Variants in LZTFL1 observed in about 807,000 individuals in gnomAD.
LZTFL1 encodes leucine zipper transcription factor-like protein 1.
LZTFL1 carries 25 observed loss-of-function variants against 45.9 expected under a neutral mutation model. The ratio of observed to expected loss-of-function variants is 0.54; its 90% confidence interval spans 0.40 to 0.76. LZTFL1 has a LOEUF of 0.76. Ranked by LOEUF, LZTFL1 falls within the 30% of genes least tolerant of loss-of-function variation. LZTFL1 has a pLI of 0.00. For synonymous variants in LZTFL1, 93 were observed against 117.4 expected, an observed-to-expected ratio of 0.79 and a Z score of 1.35; for missense variants, 277 against 331.1, an observed-to-expected ratio of 0.84 and a Z score of 1.27.
chr3:45,889,098 G>A (rs1702067908), intron 2 of LZTFL1, among the ~76,000 whole-genome samples: 1 of 152,206 alleles, frequency 6.6e-6, no homozygotes, highest in Admixed American at 6.5e-5. Context: ...CGATTGTCCT[G>A]CGTCAGCCAG....
chr3:45,894,298 A>G (rs1247549273), intron 2 of LZTFL1, among the ~76,000 whole-genome samples: 1 of 152,158 alleles, frequency 6.6e-6, no homozygotes, highest in Non-Finnish European at 1.5e-5. Context: ...TAAAGAGGAG[A>G]AAGGTGGGTT....
intron 7 of LZTFL1, among the ~76,000 whole-genome samples, chr3:45,829,608 GAAA>G (rs1206418827): frequency 3.4e-5 from 2 of 58,932 alleles, no homozygotes; most frequent in Admixed American, 2.4e-4. Flanking sequence ...TGTCTCAAAA[GAAA>G]AAAAAAAAAA....
At chr3:45,844,159 G>A (rs1412069208), upstream of LZTFL1, among the ~76,000 whole-genome samples, 6 of 152,132 alleles carry the variant, frequency 3.9e-5, no homozygotes, top group Non-Finnish European at 8.8e-5. Context: ...CCAGTTTCAG[G>A]GTGTTTGCAA....
Position 45,901,328 on chromosome 3 carries a change from C to A in LZTFL1, c.-215+11792G>T. ...TCTGGGTATTGGCAGCTGCTCTCTG[C>A]ATCCCAGAAATCTTATACAGCCAAA... is the stretch of plus-strand genomic sequence containing the variant. On this transcript the variant is annotated intron_variant, in intron 2 of 4. Coordinates refer to the LZTFL1 transcript ENST00000472635. The surrounding 1 kb of genome is among the most constrained non-coding windows in gnomAD (Gnocchi z 4.3). 6.2e-7 allele frequency: 1 copy of A among 1,614,174 alleles called. No individual in the cohort carries two copies. Among genetic ancestry groups the A allele is most frequent in the African/African-American group, 1.3e-5 (1 of 75,042 alleles).
chr3:45,873,281 G>C (rs1316590234), intron 2 of LZTFL1, among the ~76,000 whole-genome samples: 1 of 152,208 alleles, frequency 6.6e-6, no homozygotes, highest in Non-Finnish European at 1.5e-5. Flanking sequence ...GGTGATGCTA[G>C]TGTTGCTCTA....
In LZTFL1 at chr3:45,837,646, T is replaced by A. The variant is rs143302016; in HGVS notation, c.128+281A>T. Among the ~76,000 whole-genome samples the A allele has an allele frequency of 1.6e-4, 24 of 152,330 alleles. No individual in the cohort carries two copies. The East Asian group carries it at 2.1e-3, about 13-fold the overall frequency. On this transcript the variant is annotated intron_variant, in intron 2 of 9. Transcript: ENST00000296135. ...TGGAATCTTCAATACAACAAGCCAA[T>A]CATTAATCCACAAACCCTTGGCAAC...
chr3:45,844,552 A>C (rs534540432), upstream of LZTFL1, among the ~76,000 whole-genome samples: 1 of 152,326 alleles, frequency 6.6e-6, no homozygotes, highest in South Asian at 2.1e-4. Flanking sequence ...TAGGTGGAAA[A>C]TAGGGGAAAT....
chr3:45,863,760 TAAG>T (rs1701533792), intron 2 of LZTFL1, among the ~76,000 whole-genome samples: 1 of 152,102 alleles, frequency 6.6e-6, no homozygotes, highest in Admixed American at 6.5e-5. Flanking sequence ...GCAGCTGCAA[TAAG>T]AAGCTACCCA....
chr3:45,826,101 C>CTA lies in LZTFL1; in HGVS notation c.*212_*213insTA. On this transcript the variant is annotated 3_prime_UTR_variant, in exon 10 of 10. Coordinates refer to ENST00000296135, the MANE Select transcript of LZTFL1 (RefSeq NM_020347.4). The stretch of plus-strand genomic sequence containing the variant: ...ATGTGAGCTAAGACTCTGGAGCACT[C>CTA]AGTAGAGAGGTGTGTGGGATGACCA... 1 of 542,842 alleles carries CTA rather than the reference C, an allele frequency of 1.8e-6. No individual in the cohort carries two copies. The highest frequency in any genetic ancestry group is 3.3e-6 in the Non-Finnish European group (1 of 306,404). 33.6% of individuals were successfully genotyped at this position (542,842 alleles called of 1,614,324 possible). A position where few individuals can be genotyped will look rare whatever the true frequency, so the allele number is the denominator to read the frequency against.
rs754941077 is a variant in LZTFL1 at position 45,841,969 on chromosome 3, C to T, written c.3+20G>A. ...GCTCTCTCCTGTGCGCGGTGCGGCGCCTGAGGGTCGGTTACTCACCATGGC... is the reference window on the plus strand; with the variant it reads ...GCTCTCTCCTGTGCGCGGTGCGGCGTCTGAGGGTCGGTTACTCACCATGGC... On this transcript the variant is annotated intron_variant, in intron 1 of 9. Transcript: ENST00000296135. 6.2e-7 allele frequency: 1 copy of T among 1,611,092 alleles called. No homozygotes were observed. The highest frequency in any genetic ancestry group is 1.1e-5 in the South Asian group (1 of 90,778).
Position 45,901,643 on chromosome 3 carries a change from C to G in LZTFL1, c.-215+11477G>C. On this transcript the variant is annotated intron_variant, in intron 2 of 4. Transcript: ENST00000472635. This position sits in a 1 kb window ranked among gnomAD's most constrained non-coding sequence, Gnocchi z 4.3. Reference sequence around the variant, plus strand: ...AGACCATTGACGCCTATGCCATGTTCATCTCCAACTGTGCCGTTTCCACCA... The same window carrying G: ...AGACCATTGACGCCTATGCCATGTTGATCTCCAACTGTGCCGTTTCCACCA... 2 of 1,614,140 alleles carry G rather than the reference C, an allele frequency of 1.2e-6. No homozygotes were observed. The highest frequency in any genetic ancestry group is 8.5e-7 in the Non-Finnish European group (1 of 1,179,964).
rs1264795563 is a variant in LZTFL1, at chr3:45,824,139, A to G, written c.*2175T>C. The G allele has an allele frequency of 1.3e-5, 2 of 152,220 alleles. No individual in the cohort carries two copies. The highest frequency in any genetic ancestry group is 2.9e-5 in the Non-Finnish European group (2 of 68,042). The allele number at this position is 152,220 out of a possible 1,614,324, so 9.4% of individuals were successfully genotyped here. On this transcript the variant is annotated 3_prime_UTR_variant, in exon 10 of 10. Coordinates refer to ENST00000296135, the MANE Select transcript of LZTFL1 (RefSeq NM_020347.4). ...TAACTCAGCAGCAGGCCTGAATTAA[A>G]TTAAACCAAAGCTGCATTGTGATGG... is the stretch of plus-strand genomic sequence containing the variant.
At chr3:45,854,007 C>T (rs1380177135) in intron 4 of LZTFL1, among the ~76,000 whole-genome samples, 1 of 152,182 alleles carries the variant, frequency 6.6e-6, no homozygotes, top group African/African-American at 2.4e-5. Context: ...CTGATGGCTG[C>T]CAGATTGAAT....
In LZTFL1 at chr3:45,838,062, AAG is replaced by A. The variant is rs1701011453; in HGVS notation, c.4-13_4-12del. 6.3e-7 allele frequency: 1 copy of A among 1,584,702 alleles called. No individual in the cohort carries two copies. ...TAGGCCCAACTCTGCCTGAAAAAGA[AAG>A]AGGTAATTTAATTGTTAGTTTTGAA... On this transcript the variant is annotated splice_polypyrimidine_tract_variant and intron_variant, in intron 1 of 9. Coordinates refer to ENST00000296135, the MANE Select transcript of LZTFL1 (RefSeq NM_020347.4).
At chr3:45,849,034 G>A (rs139906916) in intron 4 of LZTFL1, among the ~76,000 whole-genome samples, 2 of 152,270 alleles carry the variant, frequency 1.3e-5, no homozygotes, top group African/African-American at 2.4e-5. Flanking sequence ...ATAGGCCATC[G>A]GCCCTGTGTC....
Position 45,902,551 on chromosome 3 carries a change from G to A in LZTFL1, c.-215+10569C>T, listed in dbSNP as rs1162796559. On this transcript the variant is annotated intron_variant, in intron 2 of 4. Transcript: ENST00000472635. Reference sequence around the variant, plus strand: ...CCTGGACAACTGACCACACCCACAAGGCATCCAAAGTCTGTTGGCTTCCAA... The same window carrying A: ...CCTGGACAACTGACCACACCCACAAAGCATCCAAAGTCTGTTGGCTTCCAA... 7.8e-5 allele frequency: 13 copies of A among 167,198 alleles called. No homozygotes were observed. The Admixed American group carries it at 7.9e-4, about 10-fold the overall frequency. The allele number at this position is 167,198 out of a possible 1,614,324, so 10.4% of individuals were successfully genotyped here. A position where few individuals can be genotyped will look rare whatever the true frequency, so the allele number is the denominator to read the frequency against.
intron 2 of LZTFL1, among the ~76,000 whole-genome samples, chr3:45,881,500 CCTCT>C (rs372267480): frequency 1.3e-5 from 2 of 151,618 alleles, no homozygotes; most frequent in Admixed American, 6.6e-5. Context: ...GCCCCCTCCT[CCTCT>C]CTCTCTCTCA....
intron 3 of LZTFL1, chr3:45,855,131 G>T: frequency 1.9e-6 from 2 of 1,040,460 alleles, no homozygotes; most frequent in Non-Finnish European, 1.4e-6. Context: ...AACATCAAAG[G>T]GATATGATGA....
intron 3 of LZTFL1, among the ~76,000 whole-genome samples, chr3:45,856,689 A>G (rs1466451806): frequency 6.6e-6 from 1 of 152,122 alleles, no homozygotes; most frequent in Non-Finnish European, 1.5e-5. Context: ...TTTACAAGAA[A>G]AAAAACCTTA....
Sources: gnomAD v4.1 joint callset for allele counts (sites outside exome capture counted in the v4.1 genomes callset) on GRCh38, gnomAD v4.1.1 for gene constraint, Gnocchi (gnomAD v3.1) non-coding constraint, MANE v1.5 for transcripts, NCBI Gene and HGNC (gene_info 2026-07-23, HGNC 2026-07-21) for gene names.